The following LCN9 variants were observed in gnomAD, a reference collection of about 807,000 sequenced individuals.
The protein encoded by LCN9 is epididymal-specific lipocalin-9.
In LCN9, 22 loss-of-function variants were observed where a neutral mutation model predicts 18.5. The ratio of observed to expected loss-of-function variants is 1.19; its 90% CI spans 0.85 to 1.70. The LOEUF (loss-of-function observed/expected upper bound fraction) is 1.70. Ranked by LOEUF, LCN9 falls within the 40% of genes most tolerant of loss-of-function variation. The pLI, the probability that LCN9 is intolerant of heterozygous loss-of-function variation, is 0.00. For synonymous variants in LCN9, 89 were observed against 83.0 expected (o/e 1.07, Z -0.39); for missense variants, 202 against 201.3 (o/e 1.00, Z -0.02).
In LCN9 at chr9:135,664,021, C is replaced by T. The variant is rs1834171826; in HGVS notation, c.97-141C>T. ...GGGGGATCTGGTGACGAGGGGAGAC[C>T]TGGGGGCACTGGAAGGGCGGAGGGG... On this transcript the variant is annotated intron_variant, in intron 1 of 5. Coordinates refer to ENST00000619315, the Ensembl canonical transcript of LCN9. The surrounding 1 kb of genome is among the most constrained non-coding windows in gnomAD (Gnocchi z 4.5). The T allele has an allele frequency of 2.5e-6, 2 of 791,148 alleles. No individual in the cohort carries two copies. The highest frequency in any genetic ancestry group is 3.8e-6 in the Non-Finnish European group (2 of 525,540). 49.0% of individuals were successfully genotyped at this position (791,148 alleles called of 1,614,324 possible).
chr9:135,666,502 A>G lies in LCN9; in HGVS notation c.*651A>G, dbSNP rs548733038. The G allele has an allele frequency of 6.2e-4, 130 of 211,056 alleles. 1 individual carries two copies. Among genetic ancestry groups the G allele is most frequent in the Non-Finnish European group, 9.6e-4 (100 of 104,008 alleles). 13.1% of individuals were successfully genotyped at this position (211,056 alleles called of 1,614,324 possible). A position where few individuals can be genotyped will look rare whatever the true frequency, so the allele number is the denominator to read the frequency against. On this transcript the variant is annotated 3_prime_UTR_variant, in exon 6 of 6. Coordinates refer to ENST00000619315, the Ensembl canonical transcript of LCN9. ...CACAGGCTCCAGGCACTAGGAAAGG[A>G]GCATGTCCTTTGAGGGACACCACTC...
Position 135,663,424 on chromosome 9 carries a change from C to CTGCG in LCN9, c.96+9_96+12dup. 1 of 1,612,936 alleles carries CTGCG rather than the reference C, an allele frequency of 6.2e-7. No individual in the cohort carries two copies. The highest frequency in any genetic ancestry group is 8.5e-7 in the Non-Finnish European group (1 of 1,179,050). On this transcript the variant is annotated splice_region_variant and intron_variant, in intron 1 of 5. Transcript: ENST00000619315. ...GAACTACAACGTGGCCAGGGTGTGTCTGCGTTGGGGTCTGTGGGGAAGGGG... is the reference window on the plus strand; with the variant it reads ...GAACTACAACGTGGCCAGGGTGTGTCTGCGTGCGTTGGGGTCTGTGGGGAAGGGG...
In LCN9 at chr9:135,664,374, A is replaced by G; in HGVS notation, c.233+76A>G. 5 of 1,560,300 alleles carry G rather than the reference A, an allele frequency of 3.2e-6. No homozygotes were observed. Among genetic ancestry groups the G allele is most frequent in the Non-Finnish European group, 3.5e-6 (4 of 1,138,236 alleles). Reference sequence around the variant, plus strand: ...CCCCAACGCATACTCTCACTCTTGCACACACACGCTCGCACACTCACTGAC... The same window carrying G: ...CCCCAACGCATACTCTCACTCTTGCGCACACACGCTCGCACACTCACTGAC... On this transcript the variant is annotated intron_variant, in intron 2 of 5. Coordinates refer to ENST00000619315, the Ensembl canonical transcript of LCN9. The surrounding 1 kb of genome is among the most constrained non-coding windows in gnomAD (Gnocchi z 4.5).
exon 6 of LCN9, chr9:135,666,102 A>G: frequency 6.3e-7 from 1 of 1,599,156 alleles, no homozygotes; most frequent in Non-Finnish European, 8.5e-7. Context: ...CCAGGGTGGT[A>G]AGGTCTGAGC....
Position 135,665,513 on chromosome 9 carries a change from G to A in LCN9, c.418+158G>A. On this transcript the variant is annotated intron_variant, in intron 4 of 5. Transcript: ENST00000619315. The surrounding 1 kb of genome is among the most constrained non-coding windows in gnomAD (Gnocchi z 5.9). ...CACAGACACACCGTTAGGGTGCTGGGTGCTTCAATCTGTCACCTCCCATCT... is the reference window on the plus strand; with the variant it reads ...CACAGACACACCGTTAGGGTGCTGGATGCTTCAATCTGTCACCTCCCATCT... The A allele has an allele frequency of 1.2e-6, 1 of 820,430 alleles. No individual in the cohort carries two copies. The highest frequency in any genetic ancestry group is 2.2e-5 in the Admixed American group (1 of 46,024). 50.8% of individuals were successfully genotyped at this position (820,430 alleles called of 1,614,324 possible). A position where few individuals can be genotyped will look rare whatever the true frequency, so the allele number is the denominator to read the frequency against.
chr9:135,663,679 G>A (rs924104621), intron 1 of LCN9, among the ~76,000 whole-genome samples: 10 of 144,708 alleles, frequency 6.9e-5, no homozygotes, highest in African/African-American at 2.3e-4. Context: ...GTGGAGTGGC[G>A]GCCAGCAGGG....
Position 135,665,509 on chromosome 9 carries a change from C to A in LCN9, c.418+154C>A. On this transcript the variant is annotated intron_variant, in intron 4 of 5. Coordinates refer to ENST00000619315, the Ensembl canonical transcript of LCN9. This position sits in a 1 kb window ranked among gnomAD's most constrained non-coding sequence, Gnocchi z 5.9. ...TTCCCACAGACACACCGTTAGGGTGCTGGGTGCTTCAATCTGTCACCTCCC... is the reference window on the plus strand; with the variant it reads ...TTCCCACAGACACACCGTTAGGGTGATGGGTGCTTCAATCTGTCACCTCCC... 2 of 814,750 alleles carry A rather than the reference C, an allele frequency of 2.5e-6. No individual in the cohort carries two copies. Among genetic ancestry groups the A allele is most frequent in the Non-Finnish European group, 4.0e-6 (2 of 502,832 alleles). 50.5% of individuals were successfully genotyped at this position (814,750 alleles called of 1,614,324 possible). A position where few individuals can be genotyped will look rare whatever the true frequency, so the allele number is the denominator to read the frequency against.
Position 135,664,020 on chromosome 9 carries a change from C to A in LCN9, c.97-142C>A. 1.2e-6 allele frequency: 1 copy of A among 801,858 alleles called. No individual in the cohort carries two copies. Among genetic ancestry groups the A allele is most frequent in the South Asian group, 1.8e-5 (1 of 54,562 alleles). The allele number at this position is 801,858 out of a possible 1,614,324, so 49.7% of individuals were successfully genotyped here. ...GGGGGGATCTGGTGACGAGGGGAGA[C>A]CTGGGGGCACTGGAAGGGCGGAGGG... is the stretch of plus-strand genomic sequence containing the variant. On this transcript the variant is annotated intron_variant, in intron 1 of 5. Coordinates refer to ENST00000619315, the Ensembl canonical transcript of LCN9. The surrounding 1 kb of genome is among the most constrained non-coding windows in gnomAD (Gnocchi z 4.5).
chr9:135,664,697 C>A lies in LCN9; in HGVS notation c.234-25C>A, dbSNP rs745890940. 6.4e-7 allele frequency: 1 copy of A among 1,558,458 alleles called. No individual in the cohort carries two copies. The highest frequency in any genetic ancestry group is 2.4e-5 in the East Asian group (1 of 42,242). Reference sequence around the variant, plus strand: ...GTCCAGGGGGCTGGAGCTCCACTCCCGGCATCTTCCTGGCTGGCTTCCAGG... The same window carrying A: ...GTCCAGGGGGCTGGAGCTCCACTCCAGGCATCTTCCTGGCTGGCTTCCAGG... On this transcript the variant is annotated intron_variant, in intron 2 of 5. Coordinates refer to ENST00000619315, the Ensembl canonical transcript of LCN9. The surrounding 1 kb of genome is among the most constrained non-coding windows in gnomAD (Gnocchi z 4.5).
At chr9:135,663,324 G>A in exon 1 of LCN9, 1 of 1,613,340 alleles carries the variant, frequency 6.2e-7, no homozygotes, top group Non-Finnish European at 8.5e-7. Flanking sequence ...CGGCAAAGAT[G>A]GCTCTGCTTC....
Position 135,665,556 on chromosome 9 carries a change from CT to C in LCN9, c.419-131del. The C allele has an allele frequency of 1.1e-6, 1 of 933,070 alleles. No homozygotes were observed. Among genetic ancestry groups the C allele is most frequent in the Non-Finnish European group, 1.6e-6 (1 of 606,210 alleles). The allele number at this position is 933,070 out of a possible 1,614,324, so 57.8% of individuals were successfully genotyped here. A position where few individuals can be genotyped will look rare whatever the true frequency, so the allele number is the denominator to read the frequency against. ...TCCCATCTCACTTGGCACAAAGCCCCTCTCTGGTCAGGGCGTGACCCCCTGC... is the reference window on the plus strand; with the variant it reads ...TCCCATCTCACTTGGCACAAAGCCCCCTCTGGTCAGGGCGTGACCCCCTGC... On this transcript the variant is annotated intron_variant, in intron 4 of 5. Coordinates refer to ENST00000619315, the Ensembl canonical transcript of LCN9. The surrounding 1 kb of genome is among the most constrained non-coding windows in gnomAD (Gnocchi z 5.9).
exon 6 of LCN9, among the ~76,000 whole-genome samples, chr9:135,666,730 G>A (rs1834230867): frequency 6.6e-6 from 1 of 152,112 alleles, no homozygotes; most frequent in Non-Finnish European, 1.5e-5. Flanking sequence ...GCCCCAAGAT[G>A]CGGGTGAGAT....
chr9:135,663,929 G>A (rs1834167740), intron 1 of LCN9, among the ~76,000 whole-genome samples: 1 of 79,156 alleles, frequency 1.3e-5, no homozygotes, highest in African/African-American at 5.2e-5. Flanking sequence ...GGAGACCTGG[G>A]GGGCAGCGGG....
exon 1 of LCN9, chr9:135,663,335 T>C (rs1834149431): frequency 6.2e-7 from 1 of 1,613,354 alleles, no homozygotes; most frequent in African/African-American, 1.3e-5. Context: ...GCTCTGCTTC[T>C]GCTGAGCCTG....
At position 135,665,289 on chromosome 9, in the gene LCN9, C is replaced by T. The variant is rs199765604; in HGVS notation, c.352C>T (p.Leu118=). 3.6e-4 allele frequency: 577 copies of T among 1,606,578 alleles called. No homozygotes were observed. The highest frequency in any genetic ancestry group is 4.7e-4 in the Non-Finnish European group (557 of 1,176,886). The change falls in exon 4 of 6, where the codon CTG becomes TTG. Residue 118 remains leucine, a synonymous_variant. Transcript: ENST00000619315. This position sits in a 1 kb window ranked among gnomAD's most constrained non-coding sequence, Gnocchi z 5.9. ...GGCCGTCTCGGAGACTGACTACAGG[C>T]TGTTCATCACCTTCCACCTCCAGAA...
At position 135,664,954 on chromosome 9, in the gene LCN9, G is replaced by A. The variant is rs1834191556; in HGVS notation, c.307+159G>A. Among the ~76,000 whole-genome samples the A allele has an allele frequency of 6.6e-6, 1 of 152,138 alleles. No individual in the cohort carries two copies. The highest frequency in any genetic ancestry group is 2.1e-4 in the South Asian group (1 of 4,830). On this transcript the variant is annotated intron_variant, in intron 3 of 5. Transcript: ENST00000619315. This position sits in a 1 kb window ranked among gnomAD's most constrained non-coding sequence, Gnocchi z 4.5. ...GACCCATCCTGGCACCTACCCAGGG[G>A]GGCTCCTGGCCCAGGGGAAGCAGGG...
rs1834215916 is a variant in LCN9, at chr9:135,665,974, G to A, written c.*123G>A. ...GAGCTTGGGGCCAACGTCAGAGGCT[G>A]CGGGGTCCCACCCCAGGAGGTGCCC... On this transcript the variant is annotated 3_prime_UTR_variant, in exon 6 of 6. Transcript: ENST00000619315. The surrounding 1 kb of genome is among the most constrained non-coding windows in gnomAD (Gnocchi z 5.9). 6.3e-7 allele frequency: 1 copy of A among 1,598,990 alleles called. No individual in the cohort carries two copies. Among genetic ancestry groups the A allele is most frequent in the Non-Finnish European group, 8.5e-7 (1 of 1,177,822 alleles).
exon 6 of LCN9, among the ~76,000 whole-genome samples, chr9:135,666,626 G>A (rs1398293233): frequency 6.6e-6 from 1 of 152,068 alleles, no homozygotes; most frequent in Non-Finnish European, 1.5e-5. Context: ...CCCAGAGCCT[G>A]AGCCTCCCAG....
At position 135,665,731 on chromosome 9, in the gene LCN9, A is replaced by G; in HGVS notation, c.462A>G (p.Ile154Met). Residue 154 changes from isoleucine (I) to methionine (M), a missense_variant, in exon 5 of 6, where the codon ATA becomes ATG. Ile to Met is a conservative substitution (Grantham distance 10). Transcript: ENST00000619315. This position sits in a 1 kb window ranked among gnomAD's most constrained non-coding sequence, Gnocchi z 5.9. ...AAAGTACGGACTTGGCTCACAAAAT[A>G]TCATCGACTTGACCAACAAAGGTCA... The G allele has an allele frequency of 1.9e-6, 3 of 1,613,564 alleles. No individual in the cohort carries two copies. Among genetic ancestry groups the G allele is most frequent in the South Asian group, 2.2e-5 (2 of 90,970 alleles).
Sources: allele counts gnomAD v4.1 joint callset (sites outside exome capture counted in the v4.1 genomes callset), GRCh38; gene constraint gnomAD v4.1.1; non-coding constraint Gnocchi (gnomAD v3.1); transcripts MANE v1.5; gene names NCBI Gene and HGNC (gene_info 2026-07-23, HGNC 2026-07-21).